DHRSX: variants seen among roughly 807,000 people sequenced by gnomAD.
The protein encoded by DHRSX is polyprenol dehydrogenase.
A neutral mutation model predicts 34.0 loss-of-function variants in DHRSX; 31 were observed. The ratio of observed to expected loss-of-function variants is 0.91; its 90% CI spans 0.69 to 1.23. The LOEUF (loss-of-function observed/expected upper bound fraction) is 1.23. Among genes scored for constraint, DHRSX ranks in the 50% most tolerant of loss-of-function variants. The pLI, the probability that DHRSX is intolerant of heterozygous loss-of-function variation, is 0.00. For missense variants in DHRSX, 414 were observed against 428.1 expected, an observed-to-expected ratio of 0.97 and a Z score of 0.29; for synonymous variants, 201 against 183.8, an observed-to-expected ratio of 1.09 and a Z score of -0.76.
At chrX:2,470,501 A>G (rs1603136526) in intron 1 of DHRSX, among the ~76,000 whole-genome samples, 1 of 152,218 alleles carries the variant, frequency 6.6e-6, no homozygotes, top group East Asian at 1.9e-4. Flanking sequence ...TTAGCCCAGG[A>G]ATTCAAGACC....
chrX:2,460,183 G>A (rs1312721612), intron 1 of DHRSX, among the ~76,000 whole-genome samples: 1 of 152,074 alleles, frequency 6.6e-6, no homozygotes, highest in East Asian at 1.9e-4. Context: ...GTGAGCACAC[G>A]AGGTCCTCTC....
At chrX:2,306,039 G>A (rs146372461) in intron 3 of DHRSX, among the ~76,000 whole-genome samples, 2,454 of 152,120 alleles carry the variant, frequency 0.016, 34 homozygotes, top group Middle Eastern at 0.038. Context: ...TAAGTGATGG[G>A]TTGATAGGTG....
At chrX:2,390,093 TAATTTTTAATTGTGG>T (rs1450488416) in intron 3 of DHRSX, among the ~76,000 whole-genome samples, 1 of 150,564 alleles carries the variant, frequency 6.6e-6, no homozygotes, top group East Asian at 1.9e-4. Flanking sequence ...ATTTTTAAAA[TAATTTTTAATTGTGG>T]AAAAATACAC....
chrX:2,394,814 C>T (rs1247013938), intron 3 of DHRSX, among the ~76,000 whole-genome samples: 2 of 151,310 alleles, frequency 1.3e-5, no homozygotes, highest in African/African-American at 4.9e-5. Flanking sequence ...TGCCGTGAGC[C>T]GAGATTGTGC....
intron 1 of DHRSX, among the ~76,000 whole-genome samples, chrX:2,495,531 C>T (rs1167835323): frequency 6.6e-6 from 1 of 152,144 alleles, no homozygotes; most frequent in Non-Finnish European, 1.5e-5. Context: ...CTCCCTCCCA[C>T]GTCTCCTGCT....
chrX:2,264,041 CTA>C (rs2041402406), intron 5 of DHRSX, among the ~76,000 whole-genome samples: 1 of 152,344 alleles, frequency 6.6e-6, no homozygotes, highest in East Asian at 1.9e-4. Context: ...TTTTCCTTTT[CTA>C]TGTCTCACCT....
chrX:2,450,447 A>T lies in DHRSX; in HGVS notation c.110-25143T>A, dbSNP rs757374240. Among the ~76,000 whole-genome samples, 3 of 152,192 alleles carry T rather than the reference A, an allele frequency of 2.0e-5. No homozygotes were observed. In the East Asian group the frequency reaches 5.8e-4, roughly 29 times the overall value. Reference sequence around the variant, plus strand: ...ACTGTACTCCAGGCTTGGCAACAAGAGCAAAACTCTGTCTCAAAAAAAAAG... The same window carrying T: ...ACTGTACTCCAGGCTTGGCAACAAGTGCAAAACTCTGTCTCAAAAAAAAAG... On this transcript the variant is annotated intron_variant, in intron 1 of 6. Transcript: ENST00000334651.
intron 3 of DHRSX, among the ~76,000 whole-genome samples, chrX:2,295,154 G>A (rs1340966602): frequency 2.6e-5 from 4 of 152,118 alleles, no homozygotes; most frequent in South Asian, 2.1e-4. Context: ...ATTAACAATA[G>A]CAAAAACTTG....
chrX:2,312,894 C>T (rs2042180149), intron 3 of DHRSX, among the ~76,000 whole-genome samples: 1 of 152,074 alleles, frequency 6.6e-6, no homozygotes, highest in Non-Finnish European at 1.5e-5. Flanking sequence ...TACTGCTGAC[C>T]GCAAGTCTTA....
intron 3 of DHRSX, among the ~76,000 whole-genome samples, chrX:2,368,855 A>G (rs1195013112): frequency 4.6e-5 from 7 of 152,100 alleles, no homozygotes; most frequent in Non-Finnish European, 8.8e-5. Flanking sequence ...GTCTCAAAAA[A>G]ATAAATAACC....
At chrX:2,476,069 C>T (rs186799064) in intron 1 of DHRSX, among the ~76,000 whole-genome samples, 2 of 152,272 alleles carry the variant, frequency 1.3e-5, no homozygotes, top group East Asian at 1.9e-4. Flanking sequence ...CACAGAGCCA[C>T]GGTGAGACCA....
At chrX:2,446,388 G>A (rs553488145) in intron 1 of DHRSX, among the ~76,000 whole-genome samples, 9 of 150,268 alleles carry the variant, frequency 6.0e-5, no homozygotes, top group African/African-American at 1.7e-4. Context: ...CCAAGGGACC[G>A]CCACCGTGTA....
In DHRSX at chrX:2,443,625, G is replaced by A. The variant is rs368660354; in HGVS notation, c.110-18321C>T. ...TAACTTGTATCACATGCTGGGCACC[G>A]TTACACTCACCTGGAAGCAATGCTT... On this transcript the variant is annotated intron_variant, in intron 1 of 6. Transcript: ENST00000334651. Among the ~76,000 whole-genome samples the A allele has an allele frequency of 7.2e-5, 11 of 152,126 alleles. No homozygotes were observed. In the East Asian group the frequency reaches 1.5e-3, roughly 21 times the overall value.
At chrX:2,459,324 G>C (rs2048002940) in intron 1 of DHRSX, among the ~76,000 whole-genome samples, 1 of 143,324 alleles carries the variant, frequency 7.0e-6, no homozygotes, top group South Asian at 2.2e-4. Context: ...GTTAGAGTTA[G>C]GGTTATCTGA....
chrX:2,253,668 C>G (rs2016494837), intron 5 of DHRSX, among the ~76,000 whole-genome samples: 1 of 152,256 alleles, frequency 6.6e-6, no homozygotes, highest in African/African-American at 2.4e-5. Flanking sequence ...GCTACTAAAT[C>G]TGGACCTTAT....
intron 2 of DHRSX, among the ~76,000 whole-genome samples, chrX:2,424,739 A>C (rs1252261509): frequency 6.6e-6 from 1 of 152,218 alleles, no homozygotes; most frequent in Admixed American, 6.5e-5. Context: ...TAGGTTGTGA[A>C]TATCACCTTC....
intron 3 of DHRSX, among the ~76,000 whole-genome samples, chrX:2,299,966 A>C (rs1174108691): frequency 6.6e-6 from 1 of 152,200 alleles, no homozygotes; most frequent in African/African-American, 2.4e-5. Flanking sequence ...CCAAGAGATG[A>C]AGTCAACTGG....
intron 3 of DHRSX, among the ~76,000 whole-genome samples, chrX:2,320,406 T>G (rs1471554986): frequency 4.1e-5 from 6 of 145,098 alleles, no homozygotes; most frequent in Admixed American, 3.5e-4. Flanking sequence ...GAGATTCTCC[T>G]CCCTAATCCT....
chrX:2,314,498 A>G (rs73187619), intron 3 of DHRSX, among the ~76,000 whole-genome samples: 39,034 of 91,534 alleles, frequency 0.43, 10,123 homozygotes, highest in Middle Eastern at 0.57. Context: ...AGGGAGGTAA[A>G]GGAGGTAAGG....
Sources: gnomAD v4.1 joint callset for allele counts (sites outside exome capture counted in the v4.1 genomes callset) on GRCh38, gnomAD v4.1.1 for gene constraint, MANE v1.5 for transcripts, NCBI Gene and HGNC (gene_info 2026-07-23, HGNC 2026-07-21) for gene names.